Variants in USP48 observed in about 807,000 individuals in gnomAD.
The protein encoded by USP48 is ubiquitin carboxyl-terminal hydrolase 48.
A neutral mutation model predicts 150.7 loss-of-function variants in USP48; 43 were observed. That is an observed-to-expected ratio of 0.29 (90% CI 0.22 to 0.37). The LOEUF is 0.37. Among genes scored for constraint, USP48 ranks in the 10% least tolerant of loss-of-function variants. The probability of loss-of-function intolerance (pLI) is 1.00; values close to 1 mark genes in which losing one functional copy is unlikely to be tolerated. For missense variants in USP48, 813 were observed against 1,249.6 expected (o/e 0.65, Z 5.27); for synonymous variants, 396 against 425.9 (o/e 0.93, Z 0.86).
At chr1:21,704,991 G>C (rs1384277598) in intron 19 of USP48, among the ~76,000 whole-genome samples, 3 of 152,136 alleles carry the variant, frequency 2.0e-5, no homozygotes, top group Non-Finnish European at 4.4e-5. Context: ...CACAGCGAGA[G>C]TGAGAGAGCA....
chr1:21,716,553 T>C (rs181449975), intron 14 of USP48, among the ~76,000 whole-genome samples: 104 of 152,356 alleles, frequency 6.8e-4, no homozygotes, highest in African/African-American at 2.2e-3. Context: ...TTAACTGAAA[T>C]CATGAAAAGC....
At chr1:21,757,859 G>A (rs775181621) in intron 1 of USP48, 76 bp from the exon 2 acceptor site, 103 of 1,470,566 alleles carry the variant, frequency 7.0e-5, no homozygotes, top group Non-Finnish European at 9.1e-5. Context: ...AAACTAAAAT[G>A]AGATACCACT....
At chr1:21,764,890 C>T (rs937479201) in intron 1 of USP48, among the ~76,000 whole-genome samples, 1 of 152,088 alleles carries the variant, frequency 6.6e-6, no homozygotes, top group Non-Finnish European at 1.5e-5. Context: ...CAAGAGCTCC[C>T]AGCCATCAGT....
chr1:21,701,233 G>A (rs1207896493), intron 22 of USP48, among the ~76,000 whole-genome samples: 2 of 151,600 alleles, frequency 1.3e-5, no homozygotes, highest in Non-Finnish European at 2.9e-5. Flanking sequence ...GGGTGTGGTG[G>A]TGGGCGCCTA....
rs543882659 is a variant in USP48 at position 21,770,466 on chromosome 1, T to C, written c.134+12358A>G. ...ACAGATAAATTTCTTTTGTGATAATTAGTCAATCAAGTGTCTTTTTTTTTT... is the reference window on the plus strand; with the variant it reads ...ACAGATAAATTTCTTTTGTGATAATCAGTCAATCAAGTGTCTTTTTTTTTT... On this transcript the variant is annotated intron_variant, in intron 1 of 26. Transcript: ENST00000308271. Among the ~76,000 whole-genome samples, 6 of 150,430 alleles carry C rather than the reference T, an allele frequency of 4.0e-5. No individual in the cohort carries two copies. The East Asian group carries it at 7.8e-4, about 20-fold the overall frequency.
At chr1:21,727,166 A>G (rs1371538320) in intron 11 of USP48, among the ~76,000 whole-genome samples, 2 of 152,182 alleles carry the variant, frequency 1.3e-5, no homozygotes, top group Non-Finnish European at 2.9e-5. Flanking sequence ...AAATATGTTC[A>G]CACACAAAAA....
intron 1 of USP48, among the ~76,000 whole-genome samples, 186 bp downstream of exon 1, chr1:21,782,636 CCG>C (rs2097917328): frequency 6.6e-6 from 1 of 152,268 alleles, no homozygotes; most frequent in Non-Finnish European, 1.5e-5. Context: ...AGCATCACCT[CCG>C]CGCACAGCCC....
chr1:21,739,711 C>G (rs2097776933), intron 8 of USP48, among the ~76,000 whole-genome samples: 1 of 152,092 alleles, frequency 6.6e-6, no homozygotes, highest in Non-Finnish European at 1.5e-5. Flanking sequence ...ACTGCAGTCA[C>G]CATGCTATGC....
At chr1:21,720,296 A>T (rs1234398569) in intron 14 of USP48, among the ~76,000 whole-genome samples, 1 of 152,208 alleles carries the variant, frequency 6.6e-6, no homozygotes, top group Non-Finnish European at 1.5e-5. Context: ...CTAGAACAGA[A>T]TTAATATTAA....
intron 1 of USP48, among the ~76,000 whole-genome samples, chr1:21,782,457 ATACACT>A: frequency 6.6e-6 from 1 of 152,308 alleles, no homozygotes; most frequent in African/African-American, 2.4e-5. Flanking sequence ...CACCAACAAG[ATACACT>A]GTGATGAAGC....
At chr1:21,716,301 T>C (rs2097704115) in intron 14 of USP48, among the ~76,000 whole-genome samples, 1 of 152,180 alleles carries the variant, frequency 6.6e-6, no homozygotes, top group South Asian at 2.1e-4. Context: ...AAGGGTAACT[T>C]GAACACAGGC....
Position 21,757,790 on chromosome 1 carries a change from G to GA in USP48, c.135-8_135-7insT. 1 of 1,567,636 alleles carries GA rather than the reference G, an allele frequency of 6.4e-7. No homozygotes were observed. The highest frequency in any genetic ancestry group is 8.6e-7 in the Non-Finnish European group (1 of 1,164,544). On this transcript the variant is annotated splice_polypyrimidine_tract_variant and splice_region_variant and intron_variant, in intron 1 of 26. Coordinates refer to ENST00000308271, the MANE Select transcript of USP48 (RefSeq NM_032236.8). Reference sequence around the variant, plus strand: ...ATTTCCTTTGCAGTTTCGTCTAAGGGGAAAAAAAAAACCTTTAATTTTTAA... The same window carrying GA: ...ATTTCCTTTGCAGTTTCGTCTAAGGGAGAAAAAAAAAACCTTTAATTTTTAA...
At chr1:21,750,083 T>A (rs2097805606) in intron 6 of USP48, among the ~76,000 whole-genome samples, 1 of 152,166 alleles carries the variant, frequency 6.6e-6, no homozygotes, top group East Asian at 1.9e-4. Flanking sequence ...CTCCTACGCA[T>A]ATGACCCTGA....
At chr1:21,728,837 G>A in intron 10 of USP48, 118 bp from the exon 11 acceptor site, 1 of 1,243,314 alleles carries the variant, frequency 8.0e-7, no homozygotes, top group Non-Finnish European at 1.1e-6. Flanking sequence ...TTCCAACTAT[G>A]GTCTCCCTGT....
Position 21,706,342 on chromosome 1 carries a change from T to A in USP48, c.2211+125A>T. ...AAATAGCAGGCTGGAGTAAATCCCC[T>A]GGTTAGATAACTAAACAAATGAGAA... On this transcript the variant is annotated intron_variant, in intron 17 of 26. Transcript: ENST00000308271. The A allele has an allele frequency of 2.0e-6, 3 of 1,518,950 alleles. No homozygotes were observed. In the South Asian group the frequency reaches 3.7e-5, roughly 19 times the overall value. The allele number at this position is 1,518,950 out of a possible 1,614,324, so 94.1% of individuals were successfully genotyped here.
At position 21,684,899 on chromosome 1, in the gene USP48, CTA is replaced by C. The variant is rs371007061; in HGVS notation, c.3058+2290_3058+2291del. Among the ~76,000 whole-genome samples, 117 of 152,138 alleles carry C rather than the reference CTA, an allele frequency of 7.7e-4. 1 individual carries two copies. The highest frequency in any genetic ancestry group is 2.8e-3 in the African/African-American group (115 of 41,508). On this transcript the variant is annotated intron_variant, in intron 25 of 26. Transcript: ENST00000308271. ...GGGTTCTTTATTCTGTTCCATTGTC[CTA>C]TGTTTTATACCAATACCATGCTGTT...
intron 21 of USP48, among the ~76,000 whole-genome samples, chr1:21,702,318 T>C (rs891645476): frequency 3.3e-5 from 5 of 152,112 alleles, no homozygotes; most frequent in African/African-American, 1.2e-4. Context: ...ATTTTGTCTT[T>C]AATCCCAGAA....
intron 15 of USP48, among the ~76,000 whole-genome samples, chr1:21,713,924 G>A (rs567433020): frequency 6.6e-6 from 1 of 152,230 alleles, no homozygotes; most frequent in South Asian, 2.1e-4. Context: ...CACACCCCAG[G>A]ATGGCCCCTT....
At chr1:21,743,317 G>A (rs989186745) in intron 8 of USP48, among the ~76,000 whole-genome samples, 8 of 152,172 alleles carry the variant, frequency 5.3e-5, no homozygotes, top group African/African-American at 1.9e-4. Context: ...AAACACAAGA[G>A]TGTCCAATGG....
Sources: gnomAD v4.1 joint callset for allele counts (sites outside exome capture counted in the v4.1 genomes callset) on GRCh38, gnomAD v4.1.1 for gene constraint, MANE v1.5 for transcripts, NCBI Gene and HGNC (gene_info 2026-07-23, HGNC 2026-07-21) for gene names.